SGIP1: variants seen among roughly 807,000 people sequenced by gnomAD.
SGIP1 encodes the protein SH3GL interacting endocytic adaptor 1, also known as SH3-containing GRB2-like protein 3-interacting protein 1.
In SGIP1, 38 loss-of-function variants were observed where a neutral mutation model predicts 107.5. That is an observed-to-expected ratio of 0.35 (90% CI 0.27 to 0.46). The LOEUF (loss-of-function observed/expected upper bound fraction) is 0.46, where lower values mean the gene tolerates loss of function less well. Ranked by LOEUF, SGIP1 falls within the 20% of genes least tolerant of loss-of-function variation. The probability of loss-of-function intolerance (pLI) is 1.00; values close to 1 mark genes in which losing one functional copy is unlikely to be tolerated. For synonymous variants in SGIP1, 365 were observed against 366.1 expected (o/e 1.00, Z 0.03); for missense variants, 929 against 1,019.5 (o/e 0.91, Z 1.21).
intron 19 of SGIP1, among the ~76,000 whole-genome samples, chr1:66,722,593 T>C (rs523956): frequency 0.38 from 58,179 of 152,072 alleles, 11,875 homozygotes; most frequent in Non-Finnish European, 0.44. Context: ...AGGAGATATA[T>C]TGGCGATAAA....
At chr1:66,694,961 T>C (rs2090584773) in intron 17 of SGIP1, 1 of 235,766 alleles carries the variant, frequency 4.2e-6, no homozygotes, top group Admixed American at 5.4e-5. Flanking sequence ...CTGAAATTTA[T>C]ATTGATATGC....
intron 1 of SGIP1, among the ~76,000 whole-genome samples, chr1:66,623,296 CTGG>C (rs1174799212): frequency 6.6e-6 from 1 of 152,048 alleles, no homozygotes; most frequent in East Asian, 1.9e-4. Flanking sequence ...GTCACCCAGG[CTGG>C]AGTGCAATGG....
At chr1:66,557,973 A>G (rs913402798) in intron 1 of SGIP1, among the ~76,000 whole-genome samples, 7 of 152,114 alleles carry the variant, frequency 4.6e-5, no homozygotes, top group Non-Finnish European at 8.8e-5. Flanking sequence ...CTGCTGGAGC[A>G]TGAGCTCTGC....
At chr1:66,721,674 G>A (rs937262758) in intron 19 of SGIP1, among the ~76,000 whole-genome samples, 3 of 152,140 alleles carry the variant, frequency 2.0e-5, no homozygotes, top group African/African-American at 7.2e-5. Flanking sequence ...CTCCCAAAGA[G>A]CTAGGATTAC....
rs2059917492 is a variant in SGIP1, at chr1:66,568,214, C to G, written c.10+33846C>G. Among the ~76,000 whole-genome samples, 2 of 151,996 alleles carry G rather than the reference C, an allele frequency of 1.3e-5. 1 individual carries two copies. Among genetic ancestry groups the G allele is most frequent in the South Asian group, 4.2e-4 (2 of 4,818 alleles). On this transcript the variant is annotated intron_variant, in intron 1 of 24. Coordinates refer to ENST00000371037, the MANE Select transcript of SGIP1 (RefSeq NM_032291.4). ...GTTTGTAGTTCTCCCTGAAGAGGTC[C>G]TTCATGTCCCTTGTTACCTGTATTC...
chr1:66,535,178 CTG>C (rs1464873726), intron 1 of SGIP1, among the ~76,000 whole-genome samples: 1 of 152,186 alleles, frequency 6.6e-6, no homozygotes, highest in African/African-American at 2.4e-5. Context: ...CAGTCTGACA[CTG>C]TGACAGCCAA....
intron 12 of SGIP1, among the ~76,000 whole-genome samples, chr1:66,675,116 C>A (rs956699532): frequency 6.6e-6 from 1 of 152,138 alleles, no homozygotes; most frequent in East Asian, 1.9e-4. Context: ...TGACTGGAGA[C>A]GGGATTTGAT....
At chr1:66,700,310 G>A (rs1369354021) in intron 18 of SGIP1, among the ~76,000 whole-genome samples, 2 of 148,826 alleles carry the variant, frequency 1.3e-5, no homozygotes, top group Non-Finnish European at 1.5e-5. Context: ...GGTGGAGGTT[G>A]CAGTGAGCCA....
At chr1:66,598,590 G>A (rs2065163902) in intron 1 of SGIP1, among the ~76,000 whole-genome samples, 1 of 152,116 alleles carries the variant, frequency 6.6e-6, no homozygotes, top group African/African-American at 2.4e-5. Context: ...GCATCTTCTG[G>A]GGAAGCCTCA....
intron 1 of SGIP1, among the ~76,000 whole-genome samples, chr1:66,543,291 C>G (rs2055470764): frequency 6.6e-6 from 1 of 151,920 alleles, no homozygotes; most frequent in Non-Finnish European, 1.5e-5. Context: ...CTTTTTTTTC[C>G]CTGAGGAGGA....
At chr1:66,550,934 C>A (rs2057308675) in intron 1 of SGIP1, among the ~76,000 whole-genome samples, 3 of 151,982 alleles carry the variant, frequency 2.0e-5, no homozygotes, top group African/African-American at 7.2e-5. Flanking sequence ...TAATTTTTAC[C>A]TTTGAGGATT....
intron 7 of SGIP1, chr1:66,643,936 A>T (rs532347063): frequency 4.9e-5 from 16 of 328,388 alleles, no homozygotes; most frequent in African/African-American, 3.4e-4. Context: ...TGAAAAATAT[A>T]TGGAACCACA....
At chr1:66,534,707 T>C (rs1217477646) in intron 1 of SGIP1, among the ~76,000 whole-genome samples, 2 of 152,234 alleles carry the variant, frequency 1.3e-5, no homozygotes, top group Non-Finnish European at 1.5e-5. Context: ...TTCCTGGGAC[T>C]ACACTGATTA....
chr1:66,556,252 G>A (rs937803867), intron 1 of SGIP1, among the ~76,000 whole-genome samples: 1 of 152,036 alleles, frequency 6.6e-6, no homozygotes, highest in Non-Finnish European at 1.5e-5. Flanking sequence ...TTGTGTTTTG[G>A]CCCTCAGTGA....
At chr1:66,634,653 A>G (rs2075435282) in intron 3 of SGIP1, among the ~76,000 whole-genome samples, 1 of 152,218 alleles carries the variant, frequency 6.6e-6, no homozygotes, top group African/African-American at 2.4e-5. Context: ...TGCCATAAAT[A>G]TCACTGATCA....
Position 66,744,708 on chromosome 1 carries a change from T to A in SGIP1, c.*1613T>A, listed in dbSNP as rs1284039956. 1 of 152,350 alleles carries A rather than the reference T, an allele frequency of 6.6e-6. No individual in the cohort carries two copies. Among genetic ancestry groups the A allele is most frequent in the African/African-American group, 2.4e-5 (1 of 41,462 alleles). 9.4% of individuals were successfully genotyped at this position (152,350 alleles called of 1,614,324 possible). A position where few individuals can be genotyped will look rare whatever the true frequency, so the allele number is the denominator to read the frequency against. On this transcript the variant is annotated 3_prime_UTR_variant, in exon 25 of 25. Transcript: ENST00000371037. ...ATTGTTTATAGTGAAACTTTTTAAA[T>A]TAATCTTTGTACTCCTCTATCAGTG...
At chr1:66,703,092 G>A (rs2092129188) in intron 18 of SGIP1, among the ~76,000 whole-genome samples, 1 of 152,172 alleles carries the variant, frequency 6.6e-6, no homozygotes, top group Non-Finnish European at 1.5e-5. Context: ...AAAAGTTAAA[G>A]AATATTCACT....
chr1:66,739,301 T>A, intron 21 of SGIP1, 34 bp from the exon 22 acceptor site: 2 of 1,597,766 alleles, frequency 1.3e-6, no homozygotes, highest in Non-Finnish European at 1.7e-6. Context: ...ATCCCTGTCA[T>A]ATGTTGTTAT....
At chr1:66,631,687 CT>C (rs2074757619) in intron 2 of SGIP1, among the ~76,000 whole-genome samples, 1 of 13,052 alleles carries the variant, frequency 7.7e-5, no homozygotes, top group African/African-American at 4.8e-4. Flanking sequence ...CTCTTTCTCT[CT>C]CTCTCTCTCT....
Sources: allele counts gnomAD v4.1 joint callset (sites outside exome capture counted in the v4.1 genomes callset), GRCh38; gene constraint gnomAD v4.1.1; transcripts MANE v1.5; gene names NCBI Gene and HGNC (gene_info 2026-07-23, HGNC 2026-07-21).